The following PTPRN2 variants were observed in gnomAD, a reference collection of about 807,000 sequenced individuals.
The protein encoded by PTPRN2 is protein tyrosine phosphatase receptor type N2.
PTPRN2 carries 74 observed loss-of-function variants against 118.8 expected under a neutral mutation model. The observed-to-expected ratio is 0.62, with a 90% CI of 0.52 to 0.76. The LOEUF is 0.76. Among genes scored for constraint, PTPRN2 ranks in the 30% least tolerant of loss-of-function variants. The probability of loss-of-function intolerance (pLI) is 0.00; values close to 1 mark genes in which losing one functional copy is unlikely to be tolerated. For synonymous variants in PTPRN2, 641 were observed against 608.0 expected, an observed-to-expected ratio of 1.05 and a Z score of -0.80; for missense variants, 1,481 against 1,394.4, an observed-to-expected ratio of 1.06 and a Z score of -0.99.
At chr7:158,226,559 C>T (rs1030749872) in intron 3 of PTPRN2, among the ~76,000 whole-genome samples, 3 of 152,104 alleles carry the variant, frequency 2.0e-5, no homozygotes, top group South Asian at 4.1e-4. Flanking sequence ...GTGGTGGCAG[C>T]GTGCATGGTG....
chr7:158,365,577 G>A (rs570202512), intron 2 of PTPRN2, among the ~76,000 whole-genome samples: 21 of 152,290 alleles, frequency 1.4e-4, no homozygotes, highest in African/African-American at 2.2e-4. Context: ...ACTGGCATGC[G>A]TGGAGTCTGC....
chr7:157,788,702 C>T (rs992848012), intron 12 of PTPRN2, among the ~76,000 whole-genome samples: 10 of 152,194 alleles, frequency 6.6e-5, no homozygotes, highest in African/African-American at 2.4e-4. Flanking sequence ...CTGGGGCCAC[C>T]CAACTGCCAT....
At position 157,815,125 on chromosome 7, in the gene PTPRN2, C is replaced by A. The variant is rs73513226; in HGVS notation, c.1788+83548G>T. Among the ~76,000 whole-genome samples, 1,416 of 152,366 alleles carry A rather than the reference C, an allele frequency of 9.3e-3. 26 individuals are homozygous for A. Among genetic ancestry groups the A allele is most frequent in the African/African-American group, 0.033 (1,374 of 41,586 alleles). On this transcript the variant is annotated intron_variant, in intron 12 of 22. Transcript: ENST00000389418. ...AAGCAGGCTCCGGCTGCTGGGCCTG[C>A]ATGACCGGTTTCCCTGCAGAAGATT...
In PTPRN2 at chr7:158,192,345, C is replaced by T. The variant is rs752717982; in HGVS notation, c.531G>A (p.Gln177=). ...SDVLARTHTA[Q]DRPPAEGDDR... is the part of the protein sequence containing the mutation. Reference sequence around the variant, plus strand: ...GGGTCACCTCAGCGGGGGGTCTGTCCTGCGCCGTATGGGTCCTGGCGAGCA... The same window carrying T: ...GGGTCACCTCAGCGGGGGGTCTGTCTTGCGCCGTATGGGTCCTGGCGAGCA... Residue 177 remains glutamine, a synonymous_variant, in exon 5 of 23, where the codon CAG becomes CAA. Coordinates refer to ENST00000389418, the MANE Select transcript of PTPRN2 (RefSeq NM_002847.5). The T allele has an allele frequency of 2.0e-6, 3 of 1,507,316 alleles. No individual in the cohort carries two copies. The allele number at this position is 1,507,316 out of a possible 1,614,324, so 93.4% of individuals were successfully genotyped here. A position where few individuals can be genotyped will look rare whatever the true frequency, so the allele number is the denominator to read the frequency against.
At chr7:158,067,839 G>A (rs1350601553) in intron 11 of PTPRN2, among the ~76,000 whole-genome samples, 7 of 151,556 alleles carry the variant, frequency 4.6e-5, no homozygotes, top group South Asian at 2.1e-4. Context: ...ACTGGGTCAC[G>A]CTGGGCCATG....
chr7:158,407,207 G>T (rs766446384), intron 2 of PTPRN2, among the ~76,000 whole-genome samples: 1 of 27,674 alleles, frequency 3.6e-5, no homozygotes, highest in Non-Finnish European at 7.8e-5. Flanking sequence ...CTGGGTCCTG[G>T]GTCCTGCGTC....
chr7:158,397,574 G>C (rs566917052), intron 2 of PTPRN2, among the ~76,000 whole-genome samples: 1 of 152,140 alleles, frequency 6.6e-6, no homozygotes, highest in Non-Finnish European at 1.5e-5. Flanking sequence ...GACAGCACAG[G>C]GCTCCACCCA....
chr7:158,375,931 C>T (rs1810464701), intron 2 of PTPRN2, among the ~76,000 whole-genome samples: 1 of 152,162 alleles, frequency 6.6e-6, no homozygotes, highest in Admixed American at 6.5e-5. Context: ...AGTAAAATCC[C>T]CCACATTTGC....
At chr7:158,164,979 C>A (rs879493677) in intron 6 of PTPRN2, among the ~76,000 whole-genome samples, 120 of 95,864 alleles carry the variant, frequency 1.3e-3, no homozygotes, top group Non-Finnish European at 2.5e-3. Flanking sequence ...AAGTGAAGAC[C>A]CCCTGATAGC....
chr7:158,029,225 ACGGGG>A (rs1807508466), intron 11 of PTPRN2: 1 of 138,766 alleles, frequency 7.2e-6, no homozygotes, highest in Non-Finnish European at 1.6e-5. Context: ...CGCCGGGGGC[ACGGGG>A]TCCGTATCCT....
intron 12 of PTPRN2, among the ~76,000 whole-genome samples, chr7:157,745,756 A>G (rs1800886505): frequency 6.6e-6 from 1 of 152,162 alleles, no homozygotes; most frequent in African/African-American, 2.4e-5. Context: ...ACAGCAGCAA[A>G]GACCACCCAA....
At chr7:158,208,768 T>C (rs959972256) in intron 3 of PTPRN2, among the ~76,000 whole-genome samples, 1 of 152,152 alleles carries the variant, frequency 6.6e-6, no homozygotes, top group East Asian at 1.9e-4. Flanking sequence ...CATAACACTG[T>C]AATTGTGGTG....
intron 1 of PTPRN2, among the ~76,000 whole-genome samples, chr7:158,553,961 C>A (rs1053299660): frequency 6.6e-6 from 1 of 151,810 alleles, no homozygotes; most frequent in Non-Finnish European, 1.5e-5. Flanking sequence ...GGAGTCTATA[C>A]CACATTTCCT....
intron 3 of PTPRN2, among the ~76,000 whole-genome samples, chr7:158,308,719 A>C (rs1387657914): frequency 6.6e-6 from 1 of 152,120 alleles, no homozygotes; most frequent in Non-Finnish European, 1.5e-5. Flanking sequence ...GGTGTTAATA[A>C]AATTAAATAA....
chr7:158,407,116 CGTCCTGGGTCCTGGGTCCT>C (rs1310877782), intron 2 of PTPRN2, among the ~76,000 whole-genome samples: 1 of 149,006 alleles, frequency 6.7e-6, no homozygotes, highest in Non-Finnish European at 1.5e-5. Flanking sequence ...CTGGGTCCTG[CGTCCTGGGTCCTGGGTCCT>C]GCGTCCTGCG....
intron 11 of PTPRN2, among the ~76,000 whole-genome samples, chr7:157,942,226 G>T (rs1168698914): frequency 7.1e-6 from 1 of 140,526 alleles, no homozygotes; most frequent in Admixed American, 7.1e-5. Flanking sequence ...TCCACACACG[G>T]GAGTCCTCGG....
chr7:158,145,823 G>C (rs1241893713), intron 6 of PTPRN2, among the ~76,000 whole-genome samples: 1 of 152,146 alleles, frequency 6.6e-6, no homozygotes, highest in Non-Finnish European at 1.5e-5. Context: ...GCCCTGCCCT[G>C]GGGGATGCCA....
chr7:157,641,721 C>A (rs1246172583), intron 14 of PTPRN2, among the ~76,000 whole-genome samples: 2 of 152,160 alleles, frequency 1.3e-5, no homozygotes, highest in Non-Finnish European at 2.9e-5. Flanking sequence ...AAGTCAGGAC[C>A]CACTCAGTCC....
At chr7:157,660,248 G>A (rs1158401646) in intron 13 of PTPRN2, among the ~76,000 whole-genome samples, 1 of 152,182 alleles carries the variant, frequency 6.6e-6, no homozygotes, top group East Asian at 1.9e-4. Context: ...GATTTGAAAC[G>A]CTGGAGATTT....
Sources: gnomAD v4.1 joint callset for allele counts (sites outside exome capture counted in the v4.1 genomes callset) on GRCh38, gnomAD v4.1.1 for gene constraint, MANE v1.5 for transcripts, NCBI Gene and HGNC (gene_info 2026-07-23, HGNC 2026-07-21) for gene names.